Variants in HPSE2 observed in about 807,000 individuals in gnomAD.
HPSE2 encodes inactive heparanase-2.
Under a neutral mutation model 60.5 loss-of-function variants are expected in HPSE2, and 38 were observed. The observed-to-expected ratio is 0.63, with a 90% CI of 0.48 to 0.82. The LOEUF (loss-of-function observed/expected upper bound fraction) is 0.82, where lower values mean the gene tolerates loss of function less well. Ranked by LOEUF, HPSE2 falls within the 40% of genes least tolerant of loss-of-function variation. HPSE2 has a pLI of 0.00. For missense variants in HPSE2, 713 were observed against 740.4 expected (o/e 0.96, Z 0.43); for synonymous variants, 295 against 293.2 (o/e 1.01, Z -0.06).
At chr10:98,553,186 G>A (rs1400362087) in intron 9 of HPSE2, among the ~76,000 whole-genome samples, 1 of 152,106 alleles carries the variant, frequency 6.6e-6, no homozygotes, top group African/African-American at 2.4e-5. Flanking sequence ...TCCCCAGGTA[G>A]TTGGTTACAT....
intron 2 of HPSE2, among the ~76,000 whole-genome samples, chr10:99,145,358 G>C (rs1297713290): frequency 7.8e-6 from 1 of 128,672 alleles, no homozygotes; most frequent in Admixed American, 8.0e-5. Context: ...TTGGGAGGCT[G>C]AGGCAGGAGA....
At chr10:98,737,015 A>C (rs1341940091) in intron 4 of HPSE2, among the ~76,000 whole-genome samples, 1 of 152,224 alleles carries the variant, frequency 6.6e-6, no homozygotes, top group Non-Finnish European at 1.5e-5. Context: ...AGACAGGAAG[A>C]GAAAACTGAG....
the HPSE2 span, among the ~76,000 whole-genome samples, chr10:99,263,296 A>G: frequency 1.3e-5 from 2 of 151,926 alleles, no homozygotes; most frequent in Non-Finnish European, 2.9e-5. Context: ...CCTCTCCACT[A>G]CCTCTCAGCA....
intron 2 of HPSE2, among the ~76,000 whole-genome samples, chr10:99,230,580 A>G (rs1326327593): frequency 2.0e-5 from 3 of 151,996 alleles, no homozygotes; most frequent in African/African-American, 7.3e-5. Flanking sequence ...CCTTCTGCCA[A>G]TTTCTTTTCT....
Position 98,934,040 on chromosome 10 carries a change from G to A in HPSE2, c.611-189984C>T, listed in dbSNP as rs542748999. Among the ~76,000 whole-genome samples the A allele has an allele frequency of 4.9e-5, 7 of 143,708 alleles. No individual in the cohort carries two copies. In the East Asian group the frequency reaches 7.9e-4, roughly 16 times the overall value. 94.3% of individuals were successfully genotyped at this position (143,708 alleles called of 152,430 possible). A position where few individuals can be genotyped will look rare whatever the true frequency, so the allele number is the denominator to read the frequency against. ...AGCCAGTGAGCCTGGCACCTTCTTCGTCTTTTTTTATCTTTGTTGGTTGAA... is the reference window on the plus strand; with the variant it reads ...AGCCAGTGAGCCTGGCACCTTCTTCATCTTTTTTTATCTTTGTTGGTTGAA... On this transcript the variant is annotated intron_variant, in intron 3 of 11. Coordinates refer to ENST00000370552, the MANE Select transcript of HPSE2 (RefSeq NM_021828.5).
chr10:98,630,202 T>G lies in HPSE2; in HGVS notation c.1099-9494A>C, dbSNP rs574434407. 7.4e-5 allele frequency among the ~76,000 whole-genome samples: 11 copies of G among 149,644 alleles called. No homozygotes were observed. The South Asian group carries it at 1.5e-3, about 20-fold the overall frequency. ...GCAATCGTTTTTTTTTTTGTTTTTT[T>G]TTTTTTTGTTTTTGAGACAGAGTCT... On this transcript the variant is annotated intron_variant, in intron 7 of 11. Coordinates refer to ENST00000370552, the MANE Select transcript of HPSE2 (RefSeq NM_021828.5).
chr10:99,113,001 T>C (rs1207686481), intron 3 of HPSE2, among the ~76,000 whole-genome samples: 4 of 152,104 alleles, frequency 2.6e-5, no homozygotes, highest in African/African-American at 9.7e-5. Context: ...CTGACAACCA[T>C]GAAACTTAAG....
At chr10:98,895,067 A>T (rs1722472014) in intron 3 of HPSE2, among the ~76,000 whole-genome samples, 1 of 152,078 alleles carries the variant, frequency 6.6e-6, no homozygotes, top group South Asian at 2.1e-4. Flanking sequence ...AAACAAAGAC[A>T]TCTGAAGTTT....
intron 3 of HPSE2, among the ~76,000 whole-genome samples, chr10:98,765,881 AT>A (rs1950108507): frequency 6.6e-6 from 1 of 152,024 alleles, no homozygotes; most frequent in African/African-American, 2.4e-5. Flanking sequence ...CACATCATTA[AT>A]CTAATCATCT....
intron 3 of HPSE2, among the ~76,000 whole-genome samples, chr10:99,132,965 A>G (rs886550518): frequency 1.3e-5 from 2 of 152,200 alleles, no homozygotes; most frequent in African/African-American, 2.4e-5. Context: ...ACCCCCACAG[A>G]GCCCAGCAAA....
At chr10:98,540,918 A>G (rs952972519) in intron 9 of HPSE2, among the ~76,000 whole-genome samples, 1 of 152,208 alleles carries the variant, frequency 6.6e-6, no homozygotes. Context: ...ACTATAATAT[A>G]AACTGTATCA....
chr10:99,075,343 C>T (rs1170322589), intron 3 of HPSE2, among the ~76,000 whole-genome samples: 3 of 152,026 alleles, frequency 2.0e-5, no homozygotes, highest in South Asian at 2.1e-4. Context: ...TTCCAGTTTC[C>T]CATCTACTGT....
chr10:98,924,482 G>C (rs911204747), intron 3 of HPSE2: 1 of 152,292 alleles, frequency 6.6e-6, no homozygotes, highest in Admixed American at 6.5e-5. Flanking sequence ...GCTAAGTTGA[G>C]GGAAAGGAAG....
intron 3 of HPSE2, among the ~76,000 whole-genome samples, chr10:98,837,746 C>T (rs1393008440): frequency 1.3e-5 from 2 of 152,012 alleles, no homozygotes; most frequent in African/African-American, 4.8e-5. Context: ...TGGTGGCGGG[C>T]GCCTGCAGTC....
intron 3 of HPSE2, among the ~76,000 whole-genome samples, chr10:99,133,094 G>A (rs1845509619): frequency 6.6e-6 from 1 of 152,202 alleles, no homozygotes; most frequent in Non-Finnish European, 1.5e-5. Context: ...TGAGTAGGCG[G>A]TTTTATGCTC....
chr10:98,690,925 A>C (rs776139699), intron 6 of HPSE2, among the ~76,000 whole-genome samples: 5 of 152,184 alleles, frequency 3.3e-5, no homozygotes, highest in African/African-American at 1.2e-4. Context: ...ATGACTTCAG[A>C]CTTAGAATTT....
chr10:99,094,715 C>T (rs1265890911), intron 3 of HPSE2, among the ~76,000 whole-genome samples: 1 of 150,480 alleles, frequency 6.6e-6, no homozygotes, highest in African/African-American at 2.4e-5. Context: ...TGTCACCACA[C>T]CTGGCTAATT....
chr10:98,952,169 T>C (rs1321045967), intron 3 of HPSE2, among the ~76,000 whole-genome samples: 4 of 152,212 alleles, frequency 2.6e-5, no homozygotes, highest in Non-Finnish European at 5.9e-5. Flanking sequence ...AATAATCTAC[T>C]GCCAGAGGTA....
At chr10:98,738,476 G>T (rs562174349) in intron 4 of HPSE2, among the ~76,000 whole-genome samples, 1 of 152,122 alleles carries the variant, frequency 6.6e-6, no homozygotes. Flanking sequence ...ATTGACAAAT[G>T]GGATCTAATT....
Sources: allele counts gnomAD v4.1 joint callset (sites outside exome capture counted in the v4.1 genomes callset), GRCh38; gene constraint gnomAD v4.1.1; transcripts MANE v1.5; gene names NCBI Gene and HGNC (gene_info 2026-07-23, HGNC 2026-07-21).